The following PAPPA2 variants were observed in gnomAD, a reference collection of about 807,000 sequenced individuals.
The protein encoded by PAPPA2 is pappalysin-2.
A neutral mutation model predicts 176.4 loss-of-function variants in PAPPA2; 86 were observed. The ratio of observed to expected loss-of-function variants is 0.49; its 90% CI spans 0.41 to 0.58. The LOEUF (loss-of-function observed/expected upper bound fraction) is 0.58. PAPPA2 is among the 20% of genes least tolerant of loss of function. The pLI is 0.00. For missense variants in PAPPA2, 2,073 were observed against 2,256.9 expected (o/e 0.92, Z 1.65); for synonymous variants, 809 against 852.2 (o/e 0.95, Z 0.88).
intron 1 of PAPPA2, among the ~76,000 whole-genome samples, chr1:176,513,606 T>C (rs1390596643): frequency 6.6e-6 from 1 of 152,232 alleles, no homozygotes; most frequent in Non-Finnish European, 1.5e-5. Flanking sequence ...AGTTGTGTTA[T>C]CTTGGTCCAG....
At chr1:176,793,275 G>A (rs1351959433) in intron 19 of PAPPA2, among the ~76,000 whole-genome samples, 2 of 152,186 alleles carry the variant, frequency 1.3e-5, no homozygotes, top group Non-Finnish European at 2.9e-5. Context: ...ACTACATCAT[G>A]TAGAAATTCA....
chr1:176,732,718 T>C (rs1405240848), intron 12 of PAPPA2, among the ~76,000 whole-genome samples: 1 of 152,186 alleles, frequency 6.6e-6, no homozygotes, highest in African/African-American at 2.4e-5. Context: ...AGGTGATCTG[T>C]ATGCATATTA....
In PAPPA2 at chr1:176,681,253, T is replaced by C. The variant is rs1195585582; in HGVS notation, c.2138-8884T>C. Among the ~76,000 whole-genome samples, 4 of 152,178 alleles carry C rather than the reference T, an allele frequency of 2.6e-5. No individual in the cohort carries two copies. The South Asian group carries it at 6.2e-4, about 24-fold the overall frequency. Reference sequence around the variant, plus strand: ...CACAGAAGCTACATATTTCCGAGTGTTCTGGCTTGCCTGCCACATTTCCTA... The same window carrying C: ...CACAGAAGCTACATATTTCCGAGTGCTCTGGCTTGCCTGCCACATTTCCTA... On this transcript the variant is annotated intron_variant, in intron 4 of 22. Coordinates refer to ENST00000367662, the MANE Select transcript of PAPPA2 (RefSeq NM_020318.3).
intron 12 of PAPPA2, among the ~76,000 whole-genome samples, chr1:176,727,565 T>C (rs986025489): frequency 6.6e-6 from 1 of 152,078 alleles, no homozygotes; most frequent in Non-Finnish European, 1.5e-5. Flanking sequence ...AGAAATGAAT[T>C]ATAAATTGAC....
chr1:176,739,764 G>A lies in PAPPA2; in HGVS notation c.3934+3G>A, dbSNP rs374665332. On this transcript the variant is annotated splice_donor_region_variant and intron_variant, in intron 13 of 22. Coordinates refer to ENST00000367662, the MANE Select transcript of PAPPA2 (RefSeq NM_020318.3). The stretch of plus-strand genomic sequence containing the variant: ...CCGTGGAAGCAACCACTCTCTTGGT[G>A]AGTCTGACAAATATCCCTTTAGGGT... The A allele has an allele frequency of 4.3e-6, 7 of 1,613,268 alleles. No homozygotes were observed. Among genetic ancestry groups the A allele is most frequent in the Non-Finnish European group, 5.9e-6 (7 of 1,179,706 alleles).
chr1:176,779,019 T>C (rs1398420601), intron 17 of PAPPA2, among the ~76,000 whole-genome samples: 2 of 152,176 alleles, frequency 1.3e-5, no homozygotes, highest in African/African-American at 4.8e-5. Flanking sequence ...AGGGGCCTGG[T>C]GACTGGCATC....
intron 3 of PAPPA2, among the ~76,000 whole-genome samples, chr1:176,633,679 A>C (rs1656485461): frequency 6.6e-6 from 1 of 152,070 alleles, no homozygotes; most frequent in African/African-American, 2.4e-5. Context: ...ATGGGAGAAA[A>C]TTTTTGCAAT....
rs1455719564 is a variant in PAPPA2 at position 176,702,649 on chromosome 1, T to C, written c.3279T>C (p.Ala1093=). ...AGATGTATCAGTACCAAGTTCTAGC[T>C]GAAGCTGGAGGAGAACTGGGAGAAG... ...PGQMYQYQVL[A]EAGGELGEAS... is the part of the protein sequence containing the mutation. Residue 1093 remains alanine (A), a synonymous_variant, in exon 9 of 23, where the codon GCT becomes GCC. Transcript: ENST00000367662. The C allele has an allele frequency of 6.2e-7, 1 of 1,614,100 alleles. No homozygotes were observed. Among genetic ancestry groups the C allele is most frequent in the East Asian group, 2.2e-5 (1 of 44,866 alleles).
At chr1:176,472,458 C>A (rs1394588814) in intron 1 of PAPPA2, among the ~76,000 whole-genome samples, 1 of 152,174 alleles carries the variant, frequency 6.6e-6, no homozygotes, top group Non-Finnish European at 1.5e-5. Context: ...TTTGCTATCT[C>A]ATATGACAAG....
intron 3 of PAPPA2, among the ~76,000 whole-genome samples, chr1:176,613,383 G>A (rs1655037748): frequency 1.3e-5 from 2 of 152,172 alleles, no homozygotes; most frequent in African/African-American, 4.8e-5. Context: ...TTTATTTATG[G>A]ATGAGGAGGC....
At chr1:176,691,386 T>C (rs1025423838) in intron 5 of PAPPA2, among the ~76,000 whole-genome samples, 2 of 152,194 alleles carry the variant, frequency 1.3e-5, no homozygotes, top group African/African-American at 2.4e-5. Context: ...TGAGTTTCAT[T>C]GCGGTGAATA....
At chr1:176,663,937 T>C (rs1658485217) in intron 3 of PAPPA2, among the ~76,000 whole-genome samples, 1 of 152,310 alleles carries the variant, frequency 6.6e-6, no homozygotes, top group East Asian at 1.9e-4. Flanking sequence ...TAAATTTTGC[T>C]ATGTGGGTCT....
chr1:176,571,726 G>GATTCC (rs1413147713), intron 2 of PAPPA2, among the ~76,000 whole-genome samples: 1 of 152,182 alleles, frequency 6.6e-6, no homozygotes, highest in Non-Finnish European at 1.5e-5. Context: ...GTGAGATTTT[G>GATTCC]ATTCCACAGA....
At chr1:176,611,628 C>G (rs1480796250) in intron 3 of PAPPA2, among the ~76,000 whole-genome samples, 3 of 152,140 alleles carry the variant, frequency 2.0e-5, no homozygotes, top group Non-Finnish European at 1.5e-5. Context: ...TAGTCCACCA[C>G]AAGTTTTGAT....
At chr1:176,760,572 C>T (rs1663652172) in intron 14 of PAPPA2, among the ~76,000 whole-genome samples, 1 of 152,134 alleles carries the variant, frequency 6.6e-6, no homozygotes. Context: ...CTAAGTGAGT[C>T]TAATGCACAG....
chr1:176,608,681 C>A (rs1251520498), intron 3 of PAPPA2, among the ~76,000 whole-genome samples: 1 of 152,118 alleles, frequency 6.6e-6, no homozygotes. Flanking sequence ...AACACCCTAC[C>A]TTTGTAAGCC....
intron 3 of PAPPA2, among the ~76,000 whole-genome samples, chr1:176,620,412 CA>C (rs910654596): frequency 6.6e-6 from 1 of 151,912 alleles, no homozygotes; most frequent in Admixed American, 6.6e-5. Context: ...ATTTAATCTG[CA>C]AAAAAGGAAA....
intron 1 of PAPPA2, among the ~76,000 whole-genome samples, chr1:176,509,859 C>CAA (rs139282195): frequency 6.1e-5 from 9 of 147,590 alleles, no homozygotes; most frequent in African/African-American, 5.0e-5. Context: ...AACAAACAAA[C>CAA]AAAAAAAAAC....
intron 3 of PAPPA2, among the ~76,000 whole-genome samples, chr1:176,658,210 C>A (rs1658134248): frequency 1.3e-5 from 2 of 151,840 alleles, no homozygotes; most frequent in African/African-American, 4.8e-5. Context: ...AATCTAAGTT[C>A]TTTATTGTGT....
Sources: gnomAD v4.1 joint callset for allele counts (sites outside exome capture counted in the v4.1 genomes callset) on GRCh38, gnomAD v4.1.1 for gene constraint, MANE v1.5 for transcripts, NCBI Gene and HGNC (gene_info 2026-07-23, HGNC 2026-07-21) for gene names.